PEBP4: variants seen among roughly 807,000 people sequenced by gnomAD.
The protein encoded by PEBP4 is phosphatidylethanolamine binding protein 4.
Under a neutral mutation model 23.9 loss-of-function variants are expected in PEBP4, and 22 were observed. That is an observed-to-expected ratio of 0.92 (90% CI 0.66 to 1.31). The LOEUF (loss-of-function observed/expected upper bound fraction) is 1.31. Ranked by LOEUF, PEBP4 falls within the 40% of genes most tolerant of loss-of-function variation. PEBP4 has a pLI of 0.00. For missense variants in PEBP4, 324 were observed against 281.7 expected (o/e 1.15, Z -1.07); for synonymous variants, 112 against 99.3 (o/e 1.13, Z -0.76).
chr8:22,940,350 G>A (rs182461810), intron 1 of PEBP4, among the ~76,000 whole-genome samples: 340 of 152,296 alleles, frequency 2.2e-3, no homozygotes, highest in African/African-American at 7.9e-3. Context: ...CCTTTCTGAG[G>A]AGAATTAGAG....
At chr8:22,883,306 TC>T (rs1158960008) in intron 3 of PEBP4, among the ~76,000 whole-genome samples, 2 of 152,176 alleles carry the variant, frequency 1.3e-5, no homozygotes, top group Non-Finnish European at 2.9e-5. Flanking sequence ...CATCAGTTTC[TC>T]ACACTGAGAT....
chr8:22,863,671 G>A (rs777655000), intron 3 of PEBP4, among the ~76,000 whole-genome samples: 5 of 152,136 alleles, frequency 3.3e-5, no homozygotes, highest in Non-Finnish European at 7.3e-5. Flanking sequence ...TCAGACAGGC[G>A]CTGTGTGCGT....
At chr8:22,818,562 T>C (rs1438587740) in intron 3 of PEBP4, among the ~76,000 whole-genome samples, 1 of 152,124 alleles carries the variant, frequency 6.6e-6, no homozygotes, top group East Asian at 1.9e-4. Flanking sequence ...GGGGGCTCTC[T>C]AGGCCTGGAT....
At chr8:22,812,763 T>A (rs547756384) in intron 4 of PEBP4, among the ~76,000 whole-genome samples, 2 of 152,322 alleles carry the variant, frequency 1.3e-5, no homozygotes, top group Non-Finnish European at 2.9e-5. Context: ...GATTATATCA[T>A]TATTTTTATA....
At chr8:22,845,974 C>T (rs191325503) in intron 3 of PEBP4, among the ~76,000 whole-genome samples, 37 of 152,316 alleles carry the variant, frequency 2.4e-4, no homozygotes, top group African/African-American at 7.9e-4. Flanking sequence ...GGGTTGGGCC[C>T]GCCTAGGGGA....
chr8:22,866,141 TGTCTCACA>T (rs1807897786), intron 3 of PEBP4, among the ~76,000 whole-genome samples: 1 of 152,250 alleles, frequency 6.6e-6, no homozygotes, highest in Non-Finnish European at 1.5e-5. Context: ...CCGTCTTGCT[TGTCTCACA>T]GTCACCCTGG....
chr8:22,736,677 T>C (rs1804866892), intron 4 of PEBP4, among the ~76,000 whole-genome samples: 2 of 152,216 alleles, frequency 1.3e-5, no homozygotes, highest in South Asian at 4.1e-4. Context: ...ATGTGATTAC[T>C]ATGCACTGAT....
chr8:22,755,496 C>G (rs544004885), intron 4 of PEBP4, among the ~76,000 whole-genome samples: 32 of 152,026 alleles, frequency 2.1e-4, no homozygotes, highest in Non-Finnish European at 4.4e-4. Flanking sequence ...CCACCACACT[C>G]AGCTAATTTT....
chr8:22,820,371 T>G (rs1278475928), intron 3 of PEBP4, among the ~76,000 whole-genome samples: 1 of 152,140 alleles, frequency 6.6e-6, no homozygotes, highest in Non-Finnish European at 1.5e-5. Context: ...TGGGTTTAAC[T>G]TGAATGGGAA....
chr8:22,850,806 C>T (rs1807535363), intron 3 of PEBP4, among the ~76,000 whole-genome samples: 1 of 152,202 alleles, frequency 6.6e-6, no homozygotes, highest in Non-Finnish European at 1.5e-5. Context: ...GCCACAGCCT[C>T]TCAGGACCTC....
At chr8:22,864,712 G>A (rs1807849643) in intron 3 of PEBP4, among the ~76,000 whole-genome samples, 1 of 152,220 alleles carries the variant, frequency 6.6e-6, no homozygotes, top group Non-Finnish European at 1.5e-5. Context: ...AAATAGAGTT[G>A]TGTAGCACCT....
At chr8:22,844,184 C>T (rs1053674855) in intron 3 of PEBP4, among the ~76,000 whole-genome samples, 3 of 152,128 alleles carry the variant, frequency 2.0e-5, no homozygotes, top group South Asian at 2.1e-4. Flanking sequence ...TAAATTAGGA[C>T]GAGACTGTAC....
intron 3 of PEBP4, among the ~76,000 whole-genome samples, chr8:22,836,251 C>T (rs1369417671): frequency 3.9e-5 from 6 of 152,158 alleles, no homozygotes; most frequent in South Asian, 4.2e-4. Context: ...ATATGTGAAG[C>T]GATCAACACA....
At chr8:22,914,057 G>C (rs930731183) in intron 3 of PEBP4, among the ~76,000 whole-genome samples, 1 of 149,804 alleles carries the variant, frequency 6.7e-6, no homozygotes, top group African/African-American at 2.5e-5. Flanking sequence ...GCGCGATCTA[G>C]GCTCACTGCA....
chr8:22,815,218 G>A (rs1806714380), intron 4 of PEBP4: 1 of 152,212 alleles, frequency 6.6e-6, no homozygotes, highest in African/African-American at 2.4e-5. Flanking sequence ...AATGAGTGAT[G>A]TTAAGAACGA....
chr8:22,821,001 T>C (rs148981431), intron 3 of PEBP4, among the ~76,000 whole-genome samples: 28 of 151,980 alleles, frequency 1.8e-4, no homozygotes, highest in African/African-American at 5.3e-4. Context: ...CAGACCCACC[T>C]GGGCAACATG....
intron 4 of PEBP4, among the ~76,000 whole-genome samples, chr8:22,743,530 G>A (rs1805044645): frequency 6.6e-6 from 1 of 152,214 alleles, no homozygotes; most frequent in African/African-American, 2.4e-5. Context: ...CCAGACCACA[G>A]CTGTTTGGAG....
At chr8:22,804,367 G>A (rs1410743028) in intron 4 of PEBP4, among the ~76,000 whole-genome samples, 3 of 152,084 alleles carry the variant, frequency 2.0e-5, no homozygotes, top group Admixed American at 6.5e-5. Flanking sequence ...TTTTTACCCC[G>A]TGTTGGAAGT....
chr8:22,787,278 T>A (rs1327711094), intron 4 of PEBP4, among the ~76,000 whole-genome samples: 1 of 151,880 alleles, frequency 6.6e-6, no homozygotes, highest in Non-Finnish European at 1.5e-5. Context: ...ATATAATGAG[T>A]GGAGTTGAAG....
Sources: allele counts gnomAD v4.1 joint callset (sites outside exome capture counted in the v4.1 genomes callset), GRCh38; gene constraint gnomAD v4.1.1; transcripts MANE v1.5; gene names NCBI Gene and HGNC (gene_info 2026-07-23, HGNC 2026-07-21).